PRPF31: variants seen among roughly 807,000 people sequenced by gnomAD.
PRPF31 encodes U4/U6 small nuclear ribonucleoprotein Prp31.
PRPF31 carries 12 observed loss-of-function variants against 60.4 expected under a neutral mutation model. That is an observed-to-expected ratio of 0.20 (90% CI 0.13 to 0.32). The LOEUF (loss-of-function observed/expected upper bound fraction) is 0.32. Ranked by LOEUF, PRPF31 falls within the 10% of genes least tolerant of loss-of-function variation. PRPF31 has a pLI of 1.00. For synonymous variants in PRPF31, 287 were observed against 287.9 expected (o/e 1.00, Z 0.03); for missense variants, 431 against 687.1 (o/e 0.63, Z 4.17).
At chr19:54,124,818 C>G in intron 8 of PRPF31, 162 bp downstream of exon 8, 2 of 817,666 alleles carry the variant, frequency 2.4e-6, no homozygotes, top group Non-Finnish European at 2.0e-6. Flanking sequence ...CTGCAGCAGA[C>G]CAGCTCCAGC....
chr19:54,124,098 A>G, intron 7 of PRPF31, 180 bp downstream of exon 7: 2 of 1,278,776 alleles, frequency 1.6e-6, no homozygotes, highest in Non-Finnish European at 2.1e-6. Flanking sequence ...TGGGAAAAAC[A>G]CTCACCCACA....
In PRPF31 at chr19:54,124,165, TGTC is replaced by T. The variant is rs1313403524; in HGVS notation, c.697+248_697+250del. 5.2e-6 allele frequency: 4 copies of T among 774,650 alleles called. No homozygotes were observed. The African/African-American group carries it at 5.3e-5, about 10-fold the overall frequency. 48.0% of individuals were successfully genotyped at this position (774,650 alleles called of 1,614,324 possible). On this transcript the variant is annotated intron_variant, in intron 7 of 13. Transcript: ENST00000321030. The stretch of plus-strand genomic sequence containing the variant: ...AGAGATGACCACACCCAGGCCCTGT[TGTC>T]AGGGAGCTCCTGGTTTGGTGAAAAT...
chr19:54,121,458 G>C (rs942079279), intron 3 of PRPF31, among the ~76,000 whole-genome samples: 1 of 152,156 alleles, frequency 6.6e-6, no homozygotes, highest in South Asian at 2.1e-4. Flanking sequence ...AAACAGGAAC[G>C]GGGGAACTCC....
intron 12 of PRPF31, 32 bp downstream of exon 12, chr19:54,129,217 CGA>C: frequency 6.3e-7 from 1 of 1,597,542 alleles, no homozygotes. Flanking sequence ...GGCTGGGGAC[CGA>C]GGGACACAAG....
intron 13 of PRPF31, 66 bp from the exon 14 acceptor site, chr19:54,131,241 C>G: frequency 6.3e-7 from 1 of 1,599,840 alleles, no homozygotes; most frequent in East Asian, 2.2e-5. Flanking sequence ...CTGGGGGGCT[C>G]TGATGGGTCA....
intron 1 of PRPF31, among the ~76,000 whole-genome samples, chr19:54,117,418 G>A (rs1166120279): frequency 1.3e-5 from 2 of 152,166 alleles, no homozygotes; most frequent in Admixed American, 6.5e-5. Context: ...GTCTTGCTCC[G>A]AAGGCTGTCT....
intron 7 of PRPF31, 74 bp from the exon 8 acceptor site, chr19:54,124,425 C>T: frequency 7.7e-7 from 1 of 1,306,690 alleles, no homozygotes; most frequent in Non-Finnish European, 1.1e-6. Flanking sequence ...GTCGAGCCCC[C>T]AGGCAGATTT....
intron 7 of PRPF31, 110 bp from the exon 8 acceptor site, chr19:54,124,389 A>G: frequency 9.6e-7 from 1 of 1,041,940 alleles, no homozygotes; most frequent in Non-Finnish European, 1.5e-6. Context: ...TCCAACCAGA[A>G]CTTCATGTAA....
At chr19:54,116,939 T>A (rs1384046022) in intron 1 of PRPF31, among the ~76,000 whole-genome samples, 3 of 151,712 alleles carry the variant, frequency 2.0e-5, no homozygotes, top group African/African-American at 7.3e-5. Context: ...TACAGAAAAA[T>A]TTAAAAATTA....
chr19:54,123,052 G>T, intron 5 of PRPF31: 1 of 450,760 alleles, frequency 2.2e-6, no homozygotes, highest in Non-Finnish European at 4.1e-6. Flanking sequence ...GAAAAGAGGG[G>T]CAGGTGTGCG....
At chr19:54,118,143 C>A in intron 1 of PRPF31, 128 bp from the exon 2 acceptor site, 1 of 1,321,320 alleles carries the variant, frequency 7.6e-7, no homozygotes, top group Non-Finnish European at 1.1e-6. Context: ...CACCTGTTGT[C>A]GTGGAGCCTG....
chr19:54,123,866 C>G lies in PRPF31; in HGVS notation c.645C>G (p.Ile215Met). The G allele has an allele frequency of 6.2e-7, 1 of 1,614,030 alleles. No homozygotes were observed. The highest frequency in any genetic ancestry group is 8.5e-7 in the Non-Finnish European group (1 of 1,180,010). ...YEYVESRMSF[I>M]APNLSIIIGA... ...ATGTGGAGTCCCGGATGTCCTTCATCGCACCCAACCTGTCCATCATTATCG... is the reference window on the plus strand; with the variant it reads ...ATGTGGAGTCCCGGATGTCCTTCATGGCACCCAACCTGTCCATCATTATCG... Residue 215 changes from isoleucine (I) to methionine (M), a missense_variant, in exon 7 of 14, where the codon ATC becomes ATG. Physicochemically the swap from Ile to Met is conservative, Grantham distance 10. Coordinates refer to ENST00000321030, the MANE Select transcript of PRPF31 (RefSeq NM_015629.4).
At chr19:54,115,866 GA>G (rs1448318439) in intron 1 of PRPF31, 69 bp downstream of exon 1, 7 of 196,400 alleles carry the variant, frequency 3.6e-5, no homozygotes, top group African/African-American at 1.4e-4. Context: ...AGTGTGTGAG[GA>G]AAAAGGCGGG....
intron 13 of PRPF31, among the ~76,000 whole-genome samples, chr19:54,130,587 T>C (rs1251208232): frequency 6.7e-6 from 1 of 149,146 alleles, no homozygotes; most frequent in East Asian, 2.0e-4. Context: ...ATCGCGCCAC[T>C]GCACTTCAGC....
At chr19:54,128,247 G>A (rs1467608442) in intron 10 of PRPF31, 47 bp downstream of exon 10, 2 of 1,560,374 alleles carry the variant, frequency 1.3e-6, no homozygotes, top group African/African-American at 2.7e-5. Flanking sequence ...ATGGAGGGGA[G>A]AAGCCGGCGT....
chr19:54,127,720 C>T (rs2073953251), intron 9 of PRPF31, among the ~76,000 whole-genome samples: 1 of 152,206 alleles, frequency 6.6e-6, no homozygotes. Flanking sequence ...TGCCAAGCAC[C>T]CGGCCTGGCA....
chr19:54,122,756 C>T, intron 5 of PRPF31, 162 bp downstream of exon 5: 1 of 712,170 alleles, frequency 1.4e-6, no homozygotes, highest in Non-Finnish European at 2.5e-6. Flanking sequence ...GGAGCCTGGA[C>T]AGGACTTTCT....
At chr19:54,126,386 C>A in intron 8 of PRPF31, 142 bp from the exon 9 acceptor site, 1 of 748,176 alleles carries the variant, frequency 1.3e-6, no homozygotes, top group Non-Finnish European at 2.4e-6. Flanking sequence ...GAGCTGAGAG[C>A]ACACACCTCT....
intron 9 of PRPF31, 132 bp downstream of exon 9, chr19:54,126,749 CCA>C: frequency 4.3e-6 from 4 of 939,288 alleles, no homozygotes; most frequent in Non-Finnish European, 5.1e-6. Flanking sequence ...GTGCTTCTGC[CCA>C]CCCTCCCTGG....
Sources: gnomAD v4.1 joint callset for allele counts (sites outside exome capture counted in the v4.1 genomes callset) on GRCh38, gnomAD v4.1.1 for gene constraint, MANE v1.5 for transcripts, NCBI Gene and HGNC (gene_info 2026-07-23, HGNC 2026-07-21) for gene names.